PAK3: variants seen among roughly 807,000 people sequenced by gnomAD.
The protein encoded by PAK3 is p21 (RAC1) activated kinase 3.
Under a neutral mutation model 41.0 loss-of-function variants are expected in PAK3, and 4 were observed. The ratio of observed to expected loss-of-function variants is 0.10; its 90% CI spans 0.05 to 0.22. The LOEUF (loss-of-function observed/expected upper bound fraction) is 0.22. PAK3 is among the 10% of genes least tolerant of loss of function. The pLI is 1.00. For missense variants in PAK3, 205 were observed against 409.9 expected (o/e 0.50, Z 4.32); for synonymous variants, 146 against 139.6 (o/e 1.05, Z -0.32).
At chrX:111,194,148 T>C (rs1369393437) in intron 13 of PAK3, among the ~76,000 whole-genome samples, 153 bp from the exon 14 acceptor site, 1 of 112,025 alleles carries the variant, frequency 8.9e-6, no homozygotes, top group East Asian at 2.8e-4. Flanking sequence ...CTCCATATTA[T>C]GATCACTTGG....
At chrX:111,081,744 A>T (rs1302274940) in intron 1 of PAK3, among the ~76,000 whole-genome samples, 1 of 111,470 alleles carries the variant, frequency 9.0e-6, no homozygotes, top group East Asian at 2.8e-4. Flanking sequence ...TATATATGTT[A>T]TATGTTATAT....
At chrX:111,067,396 G>A (rs1469555542) in intron 1 of PAK3, among the ~76,000 whole-genome samples, 1 of 111,224 alleles carries the variant, frequency 9.0e-6, no homozygotes, top group East Asian at 2.8e-4. Context: ...ATTTTTTGTG[G>A]ATGAGAAAAG....
chrX:111,204,059 A>T (rs1260711094), intron 16 of PAK3, among the ~76,000 whole-genome samples: 3 of 111,785 alleles, frequency 2.7e-5, no homozygotes, highest in Non-Finnish European at 5.6e-5. Flanking sequence ...ATTACAGAAG[A>T]ATAACAGGGT....
intron 11 of PAK3, among the ~76,000 whole-genome samples, chrX:111,176,267 C>T (rs1280095235): frequency 5.5e-5 from 6 of 109,887 alleles, no homozygotes; most frequent in Admixed American, 3.9e-4. Context: ...TCTTCTCACT[C>T]GTAAGTGGGA....
chrX:110,965,593 A>C (rs935389297), intron 1 of PAK3, among the ~76,000 whole-genome samples: 1 of 112,498 alleles, frequency 8.9e-6, no homozygotes, highest in Admixed American at 9.4e-5. Context: ...AGCCTGATAC[A>C]GATCTTAACT....
At chrX:110,969,109 T>TTTTTTTC (rs2091146247) in intron 1 of PAK3, among the ~76,000 whole-genome samples, 1 of 84,084 alleles carries the variant, frequency 1.2e-5, no homozygotes, top group African/African-American at 4.2e-5. Flanking sequence ...TTTTTTTTTT[T>TTTTTTTC]TTTTTTTTTT....
At chrX:111,122,980 G>A (rs1459543957) in intron 4 of PAK3, 97 bp from the exon 5 acceptor site, 1 of 589,044 alleles carries the variant, frequency 1.7e-6, no homozygotes, top group African/African-American at 2.2e-5. Context: ...AAACATGAGA[G>A]CAATGCTTTT....
chrX:111,191,612 G>A (rs1469351077), intron 11 of PAK3, among the ~76,000 whole-genome samples: 1 of 111,674 alleles, frequency 9.0e-6, no homozygotes, highest in African/African-American at 3.3e-5. Context: ...AGAACCACTC[G>A]GTTTCTATAC....
chrX:110,984,470 CAT>C (rs1569501632), intron 1 of PAK3, among the ~76,000 whole-genome samples: 1 of 111,893 alleles, frequency 8.9e-6, no homozygotes, highest in Non-Finnish European at 1.9e-5. Context: ...GCTGAAGTCC[CAT>C]CCCTCCCACT....
At chrX:111,137,516 C>A (rs923872875) in intron 5 of PAK3, among the ~76,000 whole-genome samples, 1 of 110,173 alleles carries the variant, frequency 9.1e-6, no homozygotes, top group Admixed American at 9.7e-5. Context: ...AAACCTAAGG[C>A]AAGAGGTGAA....
intron 16 of PAK3, among the ~76,000 whole-genome samples, chrX:111,206,494 G>A (rs1462463129): frequency 8.9e-6 from 1 of 112,215 alleles, no homozygotes; most frequent in Non-Finnish European, 1.9e-5. Flanking sequence ...TGCTTGAAAG[G>A]AGCACATTTA....
At chrX:110,985,742 C>T (rs1261675910) in intron 1 of PAK3, among the ~76,000 whole-genome samples, 1 of 112,395 alleles carries the variant, frequency 8.9e-6, no homozygotes, top group African/African-American at 3.2e-5. Context: ...ATTTAATCTC[C>T]ACAGTAACCT....
At position 111,029,559 on chromosome X, in the gene PAK3, A is replaced by G. The variant is rs181439981; in HGVS notation, c.-28+84931A>G. On this transcript the variant is annotated intron_variant, in intron 1 of 14. Coordinates refer to the PAK3 transcript ENST00000425146. ...TTATCAAGAAAGTCATGAGGAAGAG[A>G]AAATACTTTTACTATACCATACTGC... Among the ~76,000 whole-genome samples, 12 of 111,947 alleles carry G rather than the reference A, an allele frequency of 1.1e-4. No homozygotes were observed. In the East Asian group the frequency reaches 2.8e-3, roughly 26 times the overall value.
At chrX:111,081,405 A>C (rs1430400887) in intron 1 of PAK3, among the ~76,000 whole-genome samples, 1 of 111,047 alleles carries the variant, frequency 9.0e-6, no homozygotes, top group Non-Finnish European at 1.9e-5. Flanking sequence ...AGCTACAGGC[A>C]GAAGTGGGAG....
chrX:111,138,044 A>T (rs908950700), intron 5 of PAK3, among the ~76,000 whole-genome samples: 4 of 108,659 alleles, frequency 3.7e-5, no homozygotes, highest in Non-Finnish European at 7.6e-5. Flanking sequence ...CTAGAGCTCA[A>T]ATCTTTTTTT....
intron 5 of PAK3, among the ~76,000 whole-genome samples, chrX:111,138,647 G>A (rs971876346): frequency 9.0e-6 from 1 of 111,193 alleles, no homozygotes; most frequent in Non-Finnish European, 1.9e-5. Context: ...GGTATAGCAT[G>A]TATAAAAGCT....
At chrX:111,105,216 A>G (rs923391852) in intron 4 of PAK3, among the ~76,000 whole-genome samples, 1 of 111,170 alleles carries the variant, frequency 9.0e-6, no homozygotes. Flanking sequence ...CACACTTACC[A>G]TACACCCCAC....
upstream of PAK3, among the ~76,000 whole-genome samples, chrX:111,093,838 G>A (rs929935470): frequency 2.7e-5 from 3 of 112,173 alleles, no homozygotes; most frequent in African/African-American, 9.7e-5. Context: ...GAGGATTAGA[G>A]TGAAATCAAA....
At chrX:111,018,806 A>C (rs1260280926) in intron 1 of PAK3, among the ~76,000 whole-genome samples, 4 of 111,777 alleles carry the variant, frequency 3.6e-5, no homozygotes, top group Non-Finnish European at 7.5e-5. Flanking sequence ...AACAGAGCAA[A>C]GTTGGAGAAC....
Sources: allele counts gnomAD v4.1 joint callset (sites outside exome capture counted in the v4.1 genomes callset), GRCh38; gene constraint gnomAD v4.1.1; transcripts MANE v1.5; gene names NCBI Gene and HGNC (gene_info 2026-07-23, HGNC 2026-07-21).